The following CPSF6 variants were observed in gnomAD, a reference collection of about 807,000 sequenced individuals.
The protein encoded by CPSF6 is cleavage and polyadenylation specific factor 6, also known as cleavage and polyadenylation specificity factor subunit 6.
A neutral mutation model predicts 56.7 loss-of-function variants in CPSF6; 10 were observed. The ratio of observed to expected loss-of-function variants is 0.18; its 90% confidence interval spans 0.11 to 0.30. CPSF6 has a LOEUF of 0.30. Among genes scored for constraint, CPSF6 ranks in the 10% least tolerant of loss-of-function variants. The pLI is 1.00. For missense variants in CPSF6, 419 were observed against 722.9 expected (o/e 0.58, Z 4.82); for synonymous variants, 248 against 244.8 (o/e 1.01, Z -0.12).
In CPSF6 at chr12:69,274,202, T is replaced by G. The variant is rs905877997; in HGVS notation, c.*4694T>G. The G allele has an allele frequency of 6.6e-6, 1 of 151,484 alleles. No individual in the cohort carries two copies. Among genetic ancestry groups the G allele is most frequent in the African/African-American group, 2.4e-5 (1 of 41,288 alleles). 9.4% of individuals were successfully genotyped at this position (151,484 alleles called of 1,614,324 possible). A position where few individuals can be genotyped will look rare whatever the true frequency, so the allele number is the denominator to read the frequency against. Reference sequence around the variant, plus strand: ...TCCATTTTATTAAAATGTTTGTAATTGCAATTTTGTGTTTAATGTTTACTT... The same window carrying G: ...TCCATTTTATTAAAATGTTTGTAATGGCAATTTTGTGTTTAATGTTTACTT... On this transcript the variant is annotated 3_prime_UTR_variant, in exon 10 of 10. Transcript: ENST00000435070.
chr12:69,244,375 C>T (rs1356057029), intron 1 of CPSF6, among the ~76,000 whole-genome samples: 1 of 152,058 alleles, frequency 6.6e-6, no homozygotes, highest in African/African-American at 2.4e-5. Context: ...AGGCACTCAC[C>T]ACCATGCCTG....
chr12:69,251,442 T>C (rs1819420318), intron 2 of CPSF6, 104 bp downstream of exon 2: 1 of 759,164 alleles, frequency 1.3e-6, no homozygotes, highest in Non-Finnish European at 2.1e-6. Context: ...AGTTACTGTG[T>C]TTTTCTATAT....
chr12:69,252,500 C>T (rs1028652651), intron 2 of CPSF6, among the ~76,000 whole-genome samples: 1 of 152,014 alleles, frequency 6.6e-6, no homozygotes, highest in Non-Finnish European at 1.5e-5. Flanking sequence ...GATCTTAGCT[C>T]CACCATCTAT....
At position 69,262,436 on chromosome 12, in the gene CPSF6, C is replaced by A. The variant is rs752603747; in HGVS notation, c.1533C>A (p.Ser511=). 1.9e-6 allele frequency: 3 copies of A among 1,613,282 alleles called. No individual in the cohort carries two copies. Among genetic ancestry groups the A allele is most frequent in the Non-Finnish European group, 2.5e-6 (3 of 1,179,520 alleles). ...GAGAAAAGAGTCGACGTCATAAATC[C>A]CGTAGTAGAGACCGTCATGACGATT... ...RSREKSRRHK[S]RSRDRHDDYY... Residue 511 remains serine, a synonymous_variant, in exon 9 of 10, where the codon TCC becomes TCA. Coordinates refer to ENST00000435070, the MANE Select transcript of CPSF6 (RefSeq NM_007007.3).
rs1156520377 is a variant in CPSF6, at chr12:69,270,191, C to G, written c.*683C>G. 1 of 152,048 alleles carries G rather than the reference C, an allele frequency of 6.6e-6. No individual in the cohort carries two copies. Among genetic ancestry groups the G allele is most frequent in the Admixed American group, 6.6e-5 (1 of 15,218 alleles). 9.4% of individuals were successfully genotyped at this position (152,048 alleles called of 1,614,324 possible). On this transcript the variant is annotated 3_prime_UTR_variant, in exon 10 of 10. Transcript: ENST00000435070. Reference sequence around the variant, plus strand: ...GGATATTTAATATTTCTATATTCTGCTTTTCTAGCTGTTTTTACCTAGTTA... The same window carrying G: ...GGATATTTAATATTTCTATATTCTGGTTTTCTAGCTGTTTTTACCTAGTTA...
chr12:69,254,306 T>A (rs1000327943), intron 3 of CPSF6, among the ~76,000 whole-genome samples: 4 of 152,206 alleles, frequency 2.6e-5, no homozygotes, highest in Non-Finnish European at 4.4e-5. Flanking sequence ...ATCCTACCAC[T>A]CTTTTTCAGC....
chr12:69,258,227 C>A lies in CPSF6; in HGVS notation c.694+322C>A. 1 of 818,948 alleles carries A rather than the reference C, an allele frequency of 1.2e-6. No homozygotes were observed. The highest frequency in any genetic ancestry group is 1.9e-6 in the Non-Finnish European group (1 of 524,826). 50.7% of individuals were successfully genotyped at this position (818,948 alleles called of 1,614,324 possible). A position where few individuals can be genotyped will look rare whatever the true frequency, so the allele number is the denominator to read the frequency against. Reference sequence around the variant, plus strand: ...TACTTTCTTACCTCTTAAAAAAATCCTTTCAAGATCATTTTTCCTTGTTTC... The same window carrying A: ...TACTTTCTTACCTCTTAAAAAAATCATTTCAAGATCATTTTTCCTTGTTTC... On this transcript the variant is annotated intron_variant, in intron 5 of 9. Transcript: ENST00000435070. This position sits in a 1 kb window ranked among gnomAD's most constrained non-coding sequence, Gnocchi z 4.2.
intron 4 of CPSF6, among the ~76,000 whole-genome samples, chr12:69,257,305 A>G (rs1456467157): frequency 6.6e-6 from 1 of 152,226 alleles, no homozygotes. Context: ...ATTTAAGTAC[A>G]TTATCTTTAA....
Position 69,258,753 on chromosome 12 carries a change from G to T in CPSF6, c.858G>T (p.Gln286His). 1 of 1,613,800 alleles carries T rather than the reference G, an allele frequency of 6.2e-7. No individual in the cohort carries two copies. Among genetic ancestry groups the T allele is most frequent in the Non-Finnish European group, 8.5e-7 (1 of 1,179,938 alleles). ...PVLFPGQPFG[Q>H]PPLGPLPPGP... ...TTTTTCCTGGACAACCTTTTGGGCA[G>T]CCTCCATTGGGTCCACTTCCTCCTG... The change falls in exon 6 of 10, where the codon CAG (glutamine) becomes CAT (histidine). Residue 286 changes from glutamine (Q) to histidine (H), a missense_variant. Gln to His is a conservative substitution (Grantham distance 24). Coordinates refer to ENST00000435070, the MANE Select transcript of CPSF6 (RefSeq NM_007007.3). The surrounding 1 kb of genome is among the most constrained non-coding windows in gnomAD (Gnocchi z 4.2).
Position 69,243,056 on chromosome 12 carries a change from A to C in CPSF6, c.60+3350A>C, listed in dbSNP as rs542169186. Among the ~76,000 whole-genome samples the C allele has an allele frequency of 4.1e-4, 62 of 152,276 alleles. 1 individual carries two copies. The South Asian group carries it at 0.013, about 31-fold the overall frequency. ...TGGGAGGCAGAGGTTGCAGTGAGCC[A>C]AGATCGGGCCACTGCACTCCAGCAA... On this transcript the variant is annotated intron_variant, in intron 1 of 9. Transcript: ENST00000435070.
intron 3 of CPSF6, 140 bp from the exon 4 acceptor site, chr12:69,256,557 C>T (rs757000087): frequency 2.6e-6 from 2 of 771,702 alleles, no homozygotes; most frequent in Non-Finnish European, 2.0e-6. Context: ...ACCTTCTAAG[C>T]AGCTGGGATT....
intron 9 of CPSF6, 82 bp downstream of exon 9, chr12:69,262,644 A>T (rs1259326394): frequency 7.6e-7 from 1 of 1,311,736 alleles, no homozygotes; most frequent in African/African-American, 1.5e-5. Context: ...TATACAGTAT[A>T]TACCTACATT....
intron 9 of CPSF6, among the ~76,000 whole-genome samples, chr12:69,268,818 T>G (rs1403648905): frequency 6.6e-6 from 1 of 151,788 alleles, no homozygotes; most frequent in Non-Finnish European, 1.5e-5. Context: ...AGATTCCCAC[T>G]TAGCTTGTTT....
chr12:69,259,169 G>T (rs1418467903), intron 6 of CPSF6, 75 bp downstream of exon 6: 8 of 1,452,534 alleles, frequency 5.5e-6, no homozygotes, highest in Non-Finnish European at 7.4e-6. Flanking sequence ...TAGATTGTAG[G>T]TATATAAATA....
intron 1 of CPSF6, among the ~76,000 whole-genome samples, chr12:69,250,590 C>CAAAAAAAAAAAAAAAAAAAAA (rs61337613): frequency 2.0e-5 from 1 of 48,862 alleles, no homozygotes. Flanking sequence ...CTGGTCTCTA[C>CAAAAAAAAAAAAAAAAAAAAA]AAAAAAAAAA....
chr12:69,260,637 T>C (rs1261148104), intron 8 of CPSF6, among the ~76,000 whole-genome samples: 1 of 152,212 alleles, frequency 6.6e-6, no homozygotes, highest in African/African-American at 2.4e-5. Flanking sequence ...GGGTGGGGCT[T>C]CTCCCAAGTT....
At position 69,270,661 on chromosome 12, in the gene CPSF6, A is replaced by G. The variant is rs1291656030; in HGVS notation, c.*1153A>G. On this transcript the variant is annotated 3_prime_UTR_variant, in exon 10 of 10. Coordinates refer to ENST00000435070, the MANE Select transcript of CPSF6 (RefSeq NM_007007.3). ...AAACCGTGTCTGCACAGTTTAAGGAATACTATGTATATTCATGCACCGTAT... is the reference window on the plus strand; with the variant it reads ...AAACCGTGTCTGCACAGTTTAAGGAGTACTATGTATATTCATGCACCGTAT... 1 of 151,678 alleles carries G rather than the reference A, an allele frequency of 6.6e-6. No homozygotes were observed. The highest frequency in any genetic ancestry group is 1.5e-5 in the Non-Finnish European group (1 of 67,656). 9.4% of individuals were successfully genotyped at this position (151,678 alleles called of 1,614,324 possible). A position where few individuals can be genotyped will look rare whatever the true frequency, so the allele number is the denominator to read the frequency against.
rs1207553795 is a variant in CPSF6 at position 69,273,531 on chromosome 12, A to G, written c.*4023A>G. ...CGTGGGAGTATCCTAAAACTCTGCC[A>G]TGGGTGTAAATGTTTTACATTAATT... On this transcript the variant is annotated 3_prime_UTR_variant, in exon 10 of 10. Coordinates refer to ENST00000435070, the MANE Select transcript of CPSF6 (RefSeq NM_007007.3). 1.3e-5 allele frequency: 2 copies of G among 153,050 alleles called. No individual in the cohort carries two copies. The highest frequency in any genetic ancestry group is 3.4e-3 in the Middle Eastern group (1 of 296). The allele number at this position is 153,050 out of a possible 1,614,324, so 9.5% of individuals were successfully genotyped here. A position where few individuals can be genotyped will look rare whatever the true frequency, so the allele number is the denominator to read the frequency against.
chr12:69,242,568 A>G (rs1234570046), intron 1 of CPSF6, among the ~76,000 whole-genome samples: 2 of 152,010 alleles, frequency 1.3e-5, no homozygotes, highest in African/African-American at 4.8e-5. Context: ...GGGACTGGCT[A>G]CTCCTTATGG....
Sources: allele counts gnomAD v4.1 joint callset (sites outside exome capture counted in the v4.1 genomes callset), GRCh38; gene constraint gnomAD v4.1.1; non-coding constraint Gnocchi (gnomAD v3.1); transcripts MANE v1.5; gene names NCBI Gene and HGNC (gene_info 2026-07-23, HGNC 2026-07-21).